The following ASB11 variants were observed in gnomAD, a reference collection of about 807,000 sequenced individuals.
ASB11 encodes ankyrin repeat and SOCS box containing 11.
Under a neutral mutation model 20.1 loss-of-function variants are expected in ASB11, and 17 were observed. The observed-to-expected ratio is 0.85, with a 90% confidence interval of 0.58 to 1.27. ASB11 has a LOEUF of 1.27. Among genes scored for constraint, ASB11 ranks in the 50% most tolerant of loss-of-function variants. The pLI, the probability that ASB11 is intolerant of heterozygous loss-of-function variation, is 0.00. For missense variants in ASB11, 259 were observed against 256.9 expected (o/e 1.01, Z -0.06); for synonymous variants, 107 against 105.6 (o/e 1.01, Z -0.08).
chrX:15,284,053 C>G (rs367547271), intron 6 of ASB11, among the ~76,000 whole-genome samples: 15 of 107,731 alleles, frequency 1.4e-4, no homozygotes, highest in African/African-American at 4.8e-4. Context: ...GAGATGGAGA[C>G]CATCCTGGCT....
chrX:15,287,312 G>T (rs1449619530), intron 6 of ASB11, among the ~76,000 whole-genome samples: 1 of 112,615 alleles, frequency 8.9e-6, no homozygotes, highest in Non-Finnish European at 1.9e-5. Context: ...GATTTTCGGG[G>T]TATAAACAAG....
chrX:15,285,285 C>T (rs751391973), intron 6 of ASB11, among the ~76,000 whole-genome samples: 16 of 108,969 alleles, frequency 1.5e-4, no homozygotes, highest in African/African-American at 3.3e-4. Context: ...GGATTACAGG[C>T]GGGTGCCACC....
rs765470261 is a variant in ASB11, at chrX:15,289,690, A to G, written c.521-52T>C. 1.9e-5 allele frequency: 22 copies of G among 1,158,778 alleles called. No homozygotes were observed. The South Asian group carries it at 3.7e-4, about 19-fold the overall frequency. On this transcript the variant is annotated intron_variant, in intron 4 of 6. Coordinates refer to ENST00000480796, the MANE Select transcript of ASB11 (RefSeq NM_080873.3). Reference sequence around the variant, plus strand: ...CAAGTAAGGGACATATTAAATATTAACAGAATTATAGGATTGCTTATCTGA... The same window carrying G: ...CAAGTAAGGGACATATTAAATATTAGCAGAATTATAGGATTGCTTATCTGA...
At chrX:15,300,491 A>G (rs183490355) in intron 2 of ASB11, among the ~76,000 whole-genome samples, 113 of 112,708 alleles carry the variant, frequency 1.0e-3, no homozygotes, top group African/African-American at 3.5e-3. Context: ...TTAACAGTGT[A>G]TAAGAGTAAA....
chrX:15,297,289 AAAAAC>A (rs773735630), intron 3 of ASB11, among the ~76,000 whole-genome samples: 3 of 111,496 alleles, frequency 2.7e-5, no homozygotes, highest in Non-Finnish European at 5.6e-5. Context: ...ACTCCGTCTC[AAAAAC>A]AAAACAAAAC....
At chrX:15,301,991 A>C (rs140756593) in intron 2 of ASB11, among the ~76,000 whole-genome samples, 494 of 111,534 alleles carry the variant, frequency 4.4e-3, no homozygotes, top group African/African-American at 0.015. Flanking sequence ...GTTGACTCAC[A>C]CCTAATGAGT....
chrX:15,314,632 G>A (rs1921555848), intron 1 of ASB11: 5 of 813,666 alleles, frequency 6.1e-6, no homozygotes, highest in Non-Finnish European at 7.8e-6. Context: ...ACTAGATAAA[G>A]AATGATGTAA....
intron 1 of ASB11, among the ~76,000 whole-genome samples, chrX:15,303,825 A>G (rs1472617891): frequency 8.9e-6 from 1 of 112,472 alleles, no homozygotes; most frequent in East Asian, 2.8e-4. Flanking sequence ...TGCTCCGGAC[A>G]TTGTATGATT....
At chrX:15,302,637 G>A in intron 2 of ASB11, 91 bp downstream of exon 2, 1 of 940,875 alleles carries the variant, frequency 1.1e-6, no homozygotes, top group Non-Finnish European at 1.5e-6. Flanking sequence ...CCTGGATAGG[G>A]TGAGCCACAC....
intron 1 of ASB11, among the ~76,000 whole-genome samples, chrX:15,313,181 T>C (rs889577319): frequency 9.0e-6 from 1 of 111,280 alleles, no homozygotes; most frequent in Non-Finnish European, 1.9e-5. Flanking sequence ...GGCAGATCAC[T>C]TGAGGTCAGG....
intron 4 of ASB11, among the ~76,000 whole-genome samples, chrX:15,290,570 A>G (rs979751380): frequency 8.9e-6 from 1 of 112,424 alleles, no homozygotes; most frequent in African/African-American, 3.2e-5. Flanking sequence ...CAATAAATAG[A>G]TAGACATGAT....
At chrX:15,305,210 T>C in intron 1 of ASB11, among the ~76,000 whole-genome samples, 2 of 112,041 alleles carry the variant, frequency 1.8e-5, no homozygotes. Context: ...GAACAGATTG[T>C]CATCTGATGG....
chrX:15,298,683 A>C (rs1920991909), intron 2 of ASB11, among the ~76,000 whole-genome samples: 1 of 111,853 alleles, frequency 8.9e-6, no homozygotes, highest in South Asian at 3.8e-4. Context: ...ACAGGCTGGC[A>C]TGGGCCTGCT....
chrX:15,293,809 T>C (rs1160471577), intron 3 of ASB11, among the ~76,000 whole-genome samples: 1 of 104,154 alleles, frequency 9.6e-6, no homozygotes, highest in Non-Finnish European at 1.9e-5. Context: ...ATCAACATTT[T>C]CTTAATCCAG....
At chrX:15,292,169 A>C (rs1425963145) in intron 4 of ASB11, 1 of 112,515 alleles carries the variant, frequency 8.9e-6, no homozygotes, top group Non-Finnish European at 1.9e-5. Context: ...TATTAAATAC[A>C]TTTAGAACAT....
intron 5 of ASB11, 22 bp downstream of exon 5, chrX:15,289,482 T>A: frequency 8.5e-7 from 1 of 1,173,290 alleles, no homozygotes; most frequent in Non-Finnish European, 1.1e-6. Flanking sequence ...GGTTTCTTCA[T>A]GAAAATAATT....
At chrX:15,315,115 A>G (rs934857449) in intron 1 of ASB11, among the ~76,000 whole-genome samples, 1 of 112,279 alleles carries the variant, frequency 8.9e-6, no homozygotes, top group Non-Finnish European at 1.9e-5. Flanking sequence ...ATATTAAAGA[A>G]AATAATTATA....
rs1232146738 is a variant in ASB11, at chrX:15,287,886, C to T, written c.842G>A (p.Arg281His). The change falls in exon 6 of 7, where the codon CGT becomes CAT. Residue 281 changes from arginine to histidine, a missense_variant. Physicochemically the swap from Arg to His is conservative, Grantham distance 29. Transcript: ENST00000480796. Reference sequence around the variant, plus strand: ...GATACCCAGCCCTTGGTTACCTTCACGGAGCAAGAGTGCCTGCTCCACGCT... The same window carrying T: ...GATACCCAGCCCTTGGTTACCTTCATGGAGCAAGAGTGCCTGCTCCACGCT... ...KSSVEQALLL[R>H]EGPPALSQLC... is the part of the protein sequence containing the mutation. 8.3e-6 allele frequency: 10 copies of T among 1,199,948 alleles called. No homozygotes were observed. The highest frequency in any genetic ancestry group is 3.7e-5 in the South Asian group (2 of 54,670).
chrX:15,286,223 A>G (rs1927381747), intron 6 of ASB11, among the ~76,000 whole-genome samples: 1 of 110,950 alleles, frequency 9.0e-6, no homozygotes, highest in Non-Finnish European at 1.9e-5. Context: ...ATTTAGAAAG[A>G]CTATTCATAA....
Sources: gnomAD v4.1 joint callset for allele counts (sites outside exome capture counted in the v4.1 genomes callset) on GRCh38, gnomAD v4.1.1 for gene constraint, MANE v1.5 for transcripts, NCBI Gene and HGNC (gene_info 2026-07-23, HGNC 2026-07-21) for gene names.